Variants in IPP observed in about 807,000 individuals in gnomAD.
The protein encoded by IPP is actin-binding protein IPP.
IPP carries 41 observed loss-of-function variants against 64.1 expected under a neutral mutation model. The ratio of observed to expected loss-of-function variants is 0.64; its 90% confidence interval spans 0.50 to 0.83. The LOEUF (loss-of-function observed/expected upper bound fraction) is 0.83, where lower values mean the gene tolerates loss of function less well. Among genes scored for constraint, IPP ranks in the 40% least tolerant of loss-of-function variants. The pLI, the probability that IPP is intolerant of heterozygous loss-of-function variation, is 0.00. For missense variants in IPP, 649 were observed against 703.0 expected (o/e 0.92, Z 0.87); for synonymous variants, 214 against 235.2 (o/e 0.91, Z 0.83).
chr1:45,746,187 T>C lies in IPP; in HGVS notation c.225A>G (p.Lys75=). 9 of 1,614,142 alleles carry C rather than the reference T, an allele frequency of 5.6e-6. No homozygotes were observed. The highest frequency in any genetic ancestry group is 7.6e-6 in the Non-Finnish European group (9 of 1,179,976). ...CAATTCCTAGAATCGGTACAACATCTTTTGAGGACTCTTTCATTCCTCCAG... is the reference window on the plus strand; with the variant it reads ...CAATTCCTAGAATCGGTACAACATCCTTTGAGGACTCTTTCATTCCTCCAG... ...LFTGGMKESS[K]DVVPILGIEA... is the part of the protein sequence containing the mutation. Residue 75 remains lysine, a synonymous_variant, in exon 2 of 9, where the codon AAA becomes AAG. Transcript: ENST00000396478.
intron 4 of IPP, among the ~76,000 whole-genome samples, chr1:45,729,344 T>TA (rs1175578794): frequency 6.6e-6 from 1 of 152,212 alleles, no homozygotes; most frequent in East Asian, 1.9e-4. Context: ...AGCACTTCTT[T>TA]AGTCACTTAT....
chr1:45,734,069 T>G (rs1280213048), intron 3 of IPP, among the ~76,000 whole-genome samples: 1 of 151,592 alleles, frequency 6.6e-6, no homozygotes, highest in Non-Finnish European at 1.5e-5. Flanking sequence ...AATTCAAAAC[T>G]AAAAGGACAG....
At chr1:45,737,055 A>AG (rs1399050284) in intron 3 of IPP, among the ~76,000 whole-genome samples, 10 of 151,388 alleles carry the variant, frequency 6.6e-5, no homozygotes, top group South Asian at 4.2e-4. Flanking sequence ...AAAAAAAAAA[A>AG]AAAAAGAAAA....
intron 2 of IPP, among the ~76,000 whole-genome samples, chr1:45,741,543 G>A (rs2148582110): frequency 1.3e-5 from 2 of 151,896 alleles, no homozygotes; most frequent in Middle Eastern, 3.4e-3. Flanking sequence ...AATGAACCAG[G>A]TGCAGTATTA....
At chr1:45,715,010 T>C (rs1645638484) in intron 7 of IPP, among the ~76,000 whole-genome samples, 1 of 152,028 alleles carries the variant, frequency 6.6e-6, no homozygotes, top group South Asian at 2.1e-4. Context: ...GGCGGATCAC[T>C]TGAGCTTGAG....
At chr1:45,702,602 G>A (rs544389611) in intron 8 of IPP, among the ~76,000 whole-genome samples, 91 of 152,140 alleles carry the variant, frequency 6.0e-4, no homozygotes, top group Middle Eastern at 3.4e-3. Flanking sequence ...TTACAGGTGT[G>A]CACCACCACT....
chr1:45,726,373 G>A (rs1645828124), intron 5 of IPP, among the ~76,000 whole-genome samples: 1 of 151,966 alleles, frequency 6.6e-6, no homozygotes, highest in African/African-American at 2.4e-5. Context: ...CAGGAGAATC[G>A]CTTGAACCCG....
rs533255802 is a variant in IPP, at chr1:45,725,175, C to G, written c.1048+2456G>C. ...CCGGGAGTGGGGTGGGGGGTCAGCC[C>G]CCCGCCCGGCCAGCCGCCCCGTCCG... is the stretch of plus-strand genomic sequence containing the variant. On this transcript the variant is annotated intron_variant, in intron 5 of 8. Coordinates refer to ENST00000396478, the MANE Select transcript of IPP (RefSeq NM_005897.3). Among the ~76,000 whole-genome samples the G allele has an allele frequency of 5.1e-3, 724 of 141,072 alleles. 26 individuals carry two copies. Among genetic ancestry groups the G allele is most frequent in the African/African-American group, 0.016 (604 of 37,286 alleles). 92.5% of individuals were successfully genotyped at this position (141,072 alleles called of 152,430 possible).
In IPP at chr1:45,740,889, C is replaced by A; in HGVS notation, c.724+12G>T. On this transcript the variant is annotated intron_variant, in intron 3 of 8. Transcript: ENST00000396478. The stretch of plus-strand genomic sequence containing the variant: ...ATTAATCAACTAATTCGATATATAG[C>A]AAAAAAGTTACCTTCTATATACTTT... 6.6e-7 allele frequency: 1 copy of A among 1,510,630 alleles called. No individual in the cohort carries two copies. The highest frequency in any genetic ancestry group is 8.9e-7 in the Non-Finnish European group (1 of 1,119,760). 93.6% of individuals were successfully genotyped at this position (1,510,630 alleles called of 1,614,324 possible). A position where few individuals can be genotyped will look rare whatever the true frequency, so the allele number is the denominator to read the frequency against.
At chr1:45,733,155 AGCGGCTCAC>A (rs1645932361) in intron 3 of IPP, among the ~76,000 whole-genome samples, 1 of 151,718 alleles carries the variant, frequency 6.6e-6, no homozygotes, top group Admixed American at 6.6e-5. Flanking sequence ...GGCCAGGTGC[AGCGGCTCAC>A]GCCTGTAATC....
intron 3 of IPP, among the ~76,000 whole-genome samples, chr1:45,738,844 A>ACAAAACAAAC (rs746761898): frequency 1.4e-5 from 2 of 144,516 alleles, no homozygotes; most frequent in Admixed American, 7.1e-5. Flanking sequence ...CATCTCAAAA[A>ACAAAACAAAC]AAAAAAAAAA....
At chr1:45,714,586 TA>T (rs1310359765) in intron 7 of IPP, 120 bp from the exon 8 acceptor site, 1 of 660,252 alleles carries the variant, frequency 1.5e-6, no homozygotes, top group Non-Finnish European at 2.6e-6. Context: ...GGGCTTACAT[TA>T]TTATTTAAGA....
chr1:45,727,878 A>C, intron 4 of IPP, 80 bp from the exon 5 acceptor site: 1 of 1,039,302 alleles, frequency 9.6e-7, no homozygotes, highest in Non-Finnish European at 1.3e-6. Context: ...ATATAACAAG[A>C]AATAAATGGT....
At chr1:45,725,537 A>T (rs1236900268) in intron 5 of IPP, among the ~76,000 whole-genome samples, 1 of 135,864 alleles carries the variant, frequency 7.4e-6, no homozygotes, top group South Asian at 2.7e-4. Flanking sequence ...GGCCGCCCCT[A>T]CTGGGAAGTG....
chr1:45,732,376 A>AAAAAG (rs1327909563), intron 3 of IPP, among the ~76,000 whole-genome samples: 5 of 150,916 alleles, frequency 3.3e-5, no homozygotes, highest in Non-Finnish European at 5.9e-5. Flanking sequence ...AAAAAAAAAA[A>AAAAAG]AAAACACAAA....
At chr1:45,723,132 T>G (rs1035164904) in intron 5 of IPP, among the ~76,000 whole-genome samples, 2 of 152,176 alleles carry the variant, frequency 1.3e-5, no homozygotes, top group African/African-American at 4.8e-5. Flanking sequence ...TATATCTTAA[T>G]TTAAAAAACC....
chr1:45,724,780 C>T (rs1291867924), intron 5 of IPP, among the ~76,000 whole-genome samples: 8 of 150,302 alleles, frequency 5.3e-5, no homozygotes, highest in African/African-American at 1.2e-4. Context: ...CCCCTCCGCC[C>T]GGCAGCCGCC....
chr1:45,695,742 T>C (rs767816772), downstream of IPP, among the ~76,000 whole-genome samples: 3 of 152,110 alleles, frequency 2.0e-5, no homozygotes, highest in Non-Finnish European at 4.4e-5. Context: ...CTATCTCGGC[T>C]CACCGCAACC....
chr1:45,718,552 G>C (rs1645690271), intron 6 of IPP, among the ~76,000 whole-genome samples: 1 of 141,498 alleles, frequency 7.1e-6, no homozygotes, highest in Non-Finnish European at 1.6e-5. Flanking sequence ...CCTTAGGATG[G>C]ACAGCCCAGG....
Sources: allele counts gnomAD v4.1 joint callset (sites outside exome capture counted in the v4.1 genomes callset), GRCh38; gene constraint gnomAD v4.1.1; transcripts MANE v1.5; gene names NCBI Gene and HGNC (gene_info 2026-07-23, HGNC 2026-07-21).